Variants in RP1L1 observed in about 807,000 individuals in gnomAD.
RP1L1 encodes RP1 like 1, also known as retinitis pigmentosa 1-like 1 protein.
In RP1L1, 27 loss-of-function variants were observed where a neutral mutation model predicts 15.7. The ratio of observed to expected loss-of-function variants is 1.72; its 90% CI spans 1.27 to 2.38. RP1L1 has a LOEUF of 2.38. Among genes scored for constraint, RP1L1 ranks in the 30% most tolerant of loss-of-function variants. The pLI is 0.00. For missense variants in RP1L1, 4,798 were observed against 3,075.9 expected (o/e 1.56, Z -13.24); for synonymous variants, 1,813 against 1,276.7 (o/e 1.42, Z -8.96).
Position 10,611,074 on chromosome 8 carries a change from C to A in RP1L1, c.3024G>T (p.Gln1008His), listed in dbSNP as rs1350671237. The A allele has an allele frequency of 3.1e-6, 5 of 1,612,880 alleles. No individual in the cohort carries two copies. Among genetic ancestry groups the A allele is most frequent in the East Asian group, 2.2e-5 (1 of 44,884 alleles). ...CCCCTTCCAGGGACTGCTGTCCCGC[C>A]TGAGCTGGCTCCCCCAGGCCTTCCA... ...HSLEGLGEPA[Q>H]AGQQSLEGDP... Residue 1008 changes from glutamine to histidine, a missense_variant, in exon 4 of 4, where the codon CAG (glutamine) becomes CAT (histidine). Gln to His is a conservative substitution (Grantham distance 24). Coordinates refer to ENST00000382483, the MANE Select transcript of RP1L1 (RefSeq NM_178857.6).
At chr8:10,633,447 G>A (rs997871003) in intron 1 of RP1L1, among the ~76,000 whole-genome samples, 1 of 152,186 alleles carries the variant, frequency 6.6e-6, no homozygotes, top group Non-Finnish European at 1.5e-5. Context: ...ACCCCAAATT[G>A]CATCAGCTTC....
rs1253416124 is a variant in RP1L1, at chr8:10,608,905, C to T, written c.5193G>A (p.Gly1731=). The change falls in exon 4 of 4, where the codon GGG becomes GGA. Residue 1731 remains glycine (G), a synonymous_variant. Coordinates refer to ENST00000382483, the MANE Select transcript of RP1L1 (RefSeq NM_178857.6). ...RTVQGAEGGL[G]PGLSQGPGVD... ...CTCCAGGCCCCTGGCTCAGCCCCGG[C>T]CCCAGCCCTCCCTCAGCTCCCTGGA... is the stretch of plus-strand genomic sequence containing the variant. The T allele has an allele frequency of 1.2e-6, 2 of 1,613,964 alleles. No individual in the cohort carries two copies. Among genetic ancestry groups the T allele is most frequent in the Admixed American group, 1.7e-5 (1 of 60,010 alleles).
intron 1 of RP1L1, among the ~76,000 whole-genome samples, chr8:10,633,319 C>T (rs538562298): frequency 6.6e-6 from 1 of 152,314 alleles, no homozygotes; most frequent in East Asian, 1.9e-4. Context: ...TGACCAAATC[C>T]AACCCGAAAT....
rs1170362830 is a variant in RP1L1 at position 10,606,582 on chromosome 8, T to C, written c.*313A>G. The stretch of plus-strand genomic sequence containing the variant: ...CACAAACAAAAGCTAAACTGGAGCC[T>C]TTCCAATCAGTTCCATCTTTCGGGC... On this transcript the variant is annotated 3_prime_UTR_variant, in exon 4 of 4. Transcript: ENST00000382483. 1 of 380,792 alleles carries C rather than the reference T, an allele frequency of 2.6e-6. No individual in the cohort carries two copies. The highest frequency in any genetic ancestry group is 2.1e-5 in the African/African-American group (1 of 48,112). The allele number at this position is 380,792 out of a possible 1,614,324, so 23.6% of individuals were successfully genotyped here.
In RP1L1 at chr8:10,609,593, C is replaced by A; in HGVS notation, c.4505G>T (p.Arg1502Met). The A allele has an allele frequency of 6.2e-7, 1 of 1,605,572 alleles. No homozygotes were observed. The highest frequency in any genetic ancestry group is 1.1e-5 in the South Asian group (1 of 90,994). Residue 1502 changes from arginine to methionine, a missense_variant, in exon 4 of 4, where the codon AGG (arginine) becomes ATG (methionine). Transcript: ENST00000382483. ...QAQPTQGAAE[R>M]SSSVACSAAL... Reference sequence around the variant, plus strand: ...CGCGCTGCAGGCCACCGAAGAGCTCCTCTCTGCAGCCCCCTGGGTGGGTTG... The same window carrying A: ...CGCGCTGCAGGCCACCGAAGAGCTCATCTCTGCAGCCCCCTGGGTGGGTTG...
rs374879431 is a variant in RP1L1 at position 10,622,778 on chromosome 8, A to T, written c.424T>A (p.Ser142Thr). 1 of 1,613,664 alleles carries T rather than the reference A, an allele frequency of 6.2e-7. No individual in the cohort carries two copies. The highest frequency in any genetic ancestry group is 1.7e-5 in the Admixed American group (1 of 59,940). ...GTTTTAAGACTCTTCCGGGAGGAGG[A>T]GGTGCCTGGGGCTTCACGCTGGCCT... ...VEGQREAPGTSSSRKSLKTPR... is the reference protein window; with the variant it reads ...VEGQREAPGTTSSRKSLKTPR... Residue 142 changes from serine (S) to threonine (T), a missense_variant, in exon 2 of 4, where the codon TCC becomes ACC. Ser to Thr is a moderately conservative substitution (Grantham distance 58). Transcript: ENST00000382483.
At chr8:10,642,698 T>G (rs750542858) in intron 1 of RP1L1, among the ~76,000 whole-genome samples, 1 of 152,236 alleles carries the variant, frequency 6.6e-6, no homozygotes, top group Non-Finnish European at 1.5e-5. Context: ...CATTTCCCCA[T>G]GCCCAGTCCC....
At position 10,622,708 on chromosome 8, in the gene RP1L1, T is replaced by C. The variant is rs529159834; in HGVS notation, c.494A>G (p.Gln165Arg). The change falls in exon 2 of 4, where the codon CAG (glutamine) becomes CGG (arginine). Residue 165 changes from glutamine (Q) to arginine (R), a missense_variant. Coordinates refer to ENST00000382483, the MANE Select transcript of RP1L1 (RefSeq NM_178857.6). ...CCTGTGACTGAGAACCACTGTCTGCTGGAGGCGAGGGTCCATGTTCTTAAT... is the reference window on the plus strand; with the variant it reads ...CCTGTGACTGAGAACCACTGTCTGCCGGAGGCGAGGGTCCATGTTCTTAAT... ...LLIKNMDPRL[Q>R]QTVVLSHRNT... 4 of 1,614,044 alleles carry C rather than the reference T, an allele frequency of 2.5e-6. No individual in the cohort carries two copies. The East Asian group carries it at 8.9e-5, about 36-fold the overall frequency.
In RP1L1 at chr8:10,610,037, G is replaced by C. The variant is rs201532540; in HGVS notation, c.4061C>G (p.Ala1354Gly). ...TEGEGQQEEEAQLEEIEETGG... is the reference protein window; with the variant it reads ...TEGEGQQEEEGQLEEIEETGG... ...TGTTTCTTCAATTTCCTCTAACTGC[G>C]CCTCTTCTTCTTGCTGTCCTTCTCC... Residue 1354 changes from alanine (A) to glycine (G), a missense_variant, in exon 4 of 4, where the codon GCG becomes GGG. Transcript: ENST00000382483. 6.9e-6 allele frequency: 9 copies of C among 1,306,564 alleles called. No individual in the cohort carries two copies. The South Asian group carries it at 7.9e-5, about 11-fold the overall frequency. The allele number at this position is 1,306,564 out of a possible 1,614,324, so 80.9% of individuals were successfully genotyped here.
chr8:10,607,290 T>A lies in RP1L1; in HGVS notation c.6808A>T (p.Ser2270Cys). ...GTGGGCCTGTCCTCAGGGACTGGGC[T>A]GCTGCTTTCAGAAGCCTCCTCAGAT... is the stretch of plus-strand genomic sequence containing the variant. Reference protein sequence around the residue: ...GQSEEASESSSPVPEDRPTPP... With the variant: ...GQSEEASESSCPVPEDRPTPP... The change falls in exon 4 of 4, where the codon AGC (serine) becomes TGC (cysteine). Residue 2270 changes from serine to cysteine, a missense_variant. Ser to Cys is a moderately radical substitution (Grantham distance 112, BLOSUM62 -1). Transcript: ENST00000382483. 6.2e-7 allele frequency: 1 copy of A among 1,614,232 alleles called. No individual in the cohort carries two copies. Among genetic ancestry groups the A allele is most frequent in the East Asian group, 2.2e-5 (1 of 44,888 alleles).
Position 10,610,143 on chromosome 8 carries a change from C to T in RP1L1, c.3955G>A (p.Ala1319Thr), listed in dbSNP as rs73201156. The T allele has an allele frequency of 5.7e-3, 4,662 of 817,348 alleles. 112 individuals are homozygous for T. The highest frequency in any genetic ancestry group is 0.011 in the African/African-American group (562 of 50,414). 50.6% of individuals were successfully genotyped at this position (817,348 alleles called of 1,614,324 possible). A position where few individuals can be genotyped will look rare whatever the true frequency, so the allele number is the denominator to read the frequency against. Residue 1319 changes from alanine (A) to threonine (T), a missense_variant, in exon 4 of 4, where the codon GCG becomes ACG. Transcript: ENST00000382483. Reference protein sequence around the residue: ...GTEGEGLQEEAVQLEETKTEE... With the variant: ...GTEGEGLQEETVQLEETKTEE... ...GTTTTAGTTTCCTCTAACTGCACCGCCTCTTCTTGCAGCCCTTCTCCTTCT... is the reference window on the plus strand; with the variant it reads ...GTTTTAGTTTCCTCTAACTGCACCGTCTCTTCTTGCAGCCCTTCTCCTTCT...
At position 10,621,606 on chromosome 8, in the gene RP1L1, G is replaced by T; in HGVS notation, c.609+987C>A. The T allele has an allele frequency of 9.3e-6, 4 of 431,118 alleles. 1 individual carries two copies. The highest frequency in any genetic ancestry group is 6.6e-5 in the South Asian group (4 of 60,724). 26.7% of individuals were successfully genotyped at this position (431,118 alleles called of 1,614,324 possible). ...CTCCCAAAGTGCTGGGATTACAGGC[G>T]TGCGCCACTGTGCCCAGTGATATGA... On this transcript the variant is annotated intron_variant, in intron 2 of 3. Coordinates refer to ENST00000382483, the MANE Select transcript of RP1L1 (RefSeq NM_178857.6).
chr8:10,635,836 G>A (rs1798320755), intron 1 of RP1L1, among the ~76,000 whole-genome samples: 1 of 152,192 alleles, frequency 6.6e-6, no homozygotes, highest in South Asian at 2.1e-4. Flanking sequence ...CTGAGAGTGG[G>A]GACTCAGGAT....
chr8:10,627,689 G>A (rs533746009), intron 1 of RP1L1, among the ~76,000 whole-genome samples: 12 of 152,090 alleles, frequency 7.9e-5, no homozygotes, highest in African/African-American at 2.4e-4. Context: ...GGGGTGGGAT[G>A]AATTACCCTT....
intron 2 of RP1L1, among the ~76,000 whole-genome samples, chr8:10,617,360 T>C (rs6982313): frequency 0.99 from 143,148 of 145,326 alleles, 70,537 homozygotes; most frequent in East Asian, 1. Flanking sequence ...AGAGCATGTT[T>C]TTTCTCATTC....
chr8:10,622,501 T>C (rs1001017864), intron 2 of RP1L1, 92 bp downstream of exon 2: 17 of 1,572,904 alleles, frequency 1.1e-5, no homozygotes, highest in Non-Finnish European at 1.5e-5. Context: ...CAAATGCCTC[T>C]TTTTAAGGAA....
At chr8:10,642,034 G>A (rs538387291) in intron 1 of RP1L1, among the ~76,000 whole-genome samples, 13 of 152,294 alleles carry the variant, frequency 8.5e-5, no homozygotes, top group Middle Eastern at 3.4e-3. Context: ...AATGGTCAAT[G>A]TCTTGGTGGT....
At chr8:10,641,264 C>T (rs1335501374) in intron 1 of RP1L1, among the ~76,000 whole-genome samples, 1 of 152,158 alleles carries the variant, frequency 6.6e-6, no homozygotes, top group Non-Finnish European at 1.5e-5. Flanking sequence ...GTGTCACTAC[C>T]ATGTTGCTGC....
In RP1L1 at chr8:10,612,712, G is replaced by T. The variant is rs75355484; in HGVS notation, c.1386C>A (p.Pro462=). 12 of 1,604,718 alleles carry T rather than the reference G, an allele frequency of 7.5e-6. No homozygotes were observed. In the Admixed American group the frequency reaches 2.0e-4, roughly 27 times the overall value. Residue 462 remains proline, a synonymous_variant, in exon 4 of 4, where the codon CCC becomes CCA. Transcript: ENST00000382483. ...SASPASSTGL[P]EGSEPESSCC... is the part of the protein sequence containing the mutation. The stretch of plus-strand genomic sequence containing the variant: ...AGGAGGACTCTGGCTCCGAGCCCTC[G>T]GGGAGGCCGGTGCTGGAGGCTGGGC...
Sources: gnomAD v4.1 joint callset for allele counts (sites outside exome capture counted in the v4.1 genomes callset) on GRCh38, gnomAD v4.1.1 for gene constraint, MANE v1.5 for transcripts, NCBI Gene and HGNC (gene_info 2026-07-23, HGNC 2026-07-21) for gene names.